The following BMPR2 variants were observed in gnomAD, a reference collection of about 807,000 sequenced individuals.
BMPR2 encodes the protein bone morphogenetic protein receptor type-2.
BMPR2 carries 29 observed loss-of-function variants against 100.8 expected under a neutral mutation model. That is an observed-to-expected ratio of 0.29 (90% CI 0.21 to 0.39). The LOEUF (loss-of-function observed/expected upper bound fraction) is 0.39. Ranked by LOEUF, BMPR2 falls within the 10% of genes least tolerant of loss-of-function variation. BMPR2 has a pLI of 1.00. For missense variants in BMPR2, 1,011 were observed against 1,274.5 expected (o/e 0.79, Z 3.15); for synonymous variants, 382 against 442.3 (o/e 0.86, Z 1.71).
chr2:202,425,935 C>G (rs988014377), intron 1 of BMPR2, among the ~76,000 whole-genome samples: 42 of 151,942 alleles, frequency 2.8e-4, no homozygotes, highest in African/African-American at 9.7e-4. Flanking sequence ...CATATGTAAT[C>G]AAGTAAGAAT....
At chr2:202,426,688 C>G (rs1289869269) in intron 1 of BMPR2, among the ~76,000 whole-genome samples, 1 of 151,788 alleles carries the variant, frequency 6.6e-6, no homozygotes, top group Admixed American at 6.6e-5. Context: ...TTGAGACCCA[C>G]CTGGGCAACA....
intron 3 of BMPR2, among the ~76,000 whole-genome samples, chr2:202,507,616 T>C (rs1687546083): frequency 6.6e-6 from 1 of 152,128 alleles, no homozygotes; most frequent in South Asian, 2.1e-4. Flanking sequence ...CTCAAGCTCC[T>C]GGCCTAAAGC....
chr2:202,548,400 A>G (rs1469965879), intron 10 of BMPR2, among the ~76,000 whole-genome samples: 2 of 152,122 alleles, frequency 1.3e-5, no homozygotes, highest in South Asian at 4.1e-4. Context: ...TGTAGTACAC[A>G]ATGATCCCAC....
chr2:202,420,252 A>C (rs962498550), intron 1 of BMPR2, among the ~76,000 whole-genome samples: 2 of 152,126 alleles, frequency 1.3e-5, no homozygotes, highest in Non-Finnish European at 2.9e-5. Context: ...TAGCTTTATA[A>C]ACATCTATTC....
At chr2:202,451,342 T>C (rs1193123304) in intron 1 of BMPR2, among the ~76,000 whole-genome samples, 3 of 152,224 alleles carry the variant, frequency 2.0e-5, no homozygotes, top group Non-Finnish European at 4.4e-5. Context: ...TATTCAGCTC[T>C]ATATTGTGTC....
chr2:202,507,232 T>C (rs1177025384), intron 3 of BMPR2, among the ~76,000 whole-genome samples: 1 of 152,188 alleles, frequency 6.6e-6, no homozygotes, highest in African/African-American at 2.4e-5. Context: ...TACTTTTAAA[T>C]CCATTTAGTT....
chr2:202,518,752 CTTTATTA>C, intron 5 of BMPR2, 63 bp from the exon 6 acceptor site: 9 of 1,226,038 alleles, frequency 7.3e-6, no homozygotes, highest in Non-Finnish European at 1.1e-5. Flanking sequence ...TAAATTTGTA[CTTTATTA>C]TTTAGTAAAT....
intron 7 of BMPR2, among the ~76,000 whole-genome samples, chr2:202,527,524 G>T (rs557400562): frequency 6.6e-6 from 1 of 150,904 alleles, no homozygotes; most frequent in Admixed American, 6.6e-5. Context: ...GGTGGCTCAC[G>T]CCTGTAATCC....
At chr2:202,533,500 C>T (rs1318613078) in intron 9 of BMPR2, among the ~76,000 whole-genome samples, 1 of 151,906 alleles carries the variant, frequency 6.6e-6, no homozygotes, top group Non-Finnish European at 1.5e-5. Flanking sequence ...GCACCCCAGC[C>T]TGGGCAACAA....
At chr2:202,500,799 C>T (rs1365920748) in intron 3 of BMPR2, among the ~76,000 whole-genome samples, 2 of 152,156 alleles carry the variant, frequency 1.3e-5, no homozygotes, top group Admixed American at 1.3e-4. Flanking sequence ...TCTCAAATAC[C>T]AGAGGAAGCA....
At chr2:202,417,463 C>T (rs1384340577) in intron 1 of BMPR2, among the ~76,000 whole-genome samples, 1 of 152,062 alleles carries the variant, frequency 6.6e-6, no homozygotes, top group Non-Finnish European at 1.5e-5. Flanking sequence ...CCACCATGCC[C>T]GTCTAATTTT....
intron 1 of BMPR2, among the ~76,000 whole-genome samples, chr2:202,450,973 T>C (rs960455374): frequency 6.6e-6 from 1 of 152,198 alleles, no homozygotes; most frequent in African/African-American, 2.4e-5. Flanking sequence ...TCCTGTGTTG[T>C]TTATTTTAGA....
At chr2:202,516,934 A>T (rs1204778953) in intron 5 of BMPR2, among the ~76,000 whole-genome samples, 1 of 152,228 alleles carries the variant, frequency 6.6e-6, no homozygotes, top group Non-Finnish European at 1.5e-5. Context: ...AACCTGTTTT[A>T]ATAAAAAGTA....
chr2:202,426,859 G>A (rs1691396969), intron 1 of BMPR2, among the ~76,000 whole-genome samples: 1 of 152,128 alleles, frequency 6.6e-6, no homozygotes, highest in South Asian at 2.1e-4. Context: ...ACTAGCCTGG[G>A]TACCAAGTTA....
intron 5 of BMPR2, among the ~76,000 whole-genome samples, chr2:202,515,290 G>A (rs1270314312): frequency 6.6e-6 from 1 of 152,028 alleles, no homozygotes; most frequent in African/African-American, 2.4e-5. Flanking sequence ...AGAAAATATG[G>A]GCCAGGCGCA....
intron 1 of BMPR2, among the ~76,000 whole-genome samples, chr2:202,400,078 C>A (rs1283637444): frequency 6.6e-6 from 1 of 152,014 alleles, no homozygotes; most frequent in Non-Finnish European, 1.5e-5. Context: ...GATGCCACTG[C>A]CCTCCAGCCT....
At chr2:202,524,998 GA>G (rs1164848487) in intron 7 of BMPR2, among the ~76,000 whole-genome samples, 3 of 151,948 alleles carry the variant, frequency 2.0e-5, no homozygotes, top group Middle Eastern at 3.4e-3. Context: ...ATAAATAAAA[GA>G]AAAAAATGTT....
intron 1 of BMPR2, among the ~76,000 whole-genome samples, chr2:202,406,893 C>T (rs1407251210): frequency 6.6e-6 from 1 of 151,918 alleles, no homozygotes; most frequent in African/African-American, 2.4e-5. Context: ...GTTAGTATAC[C>T]CGAGGAGTCC....
intron 3 of BMPR2, among the ~76,000 whole-genome samples, chr2:202,475,917 A>T (rs894848452): frequency 9.9e-5 from 15 of 151,810 alleles, no homozygotes; most frequent in Non-Finnish European, 1.9e-4. Flanking sequence ...CTAAAAAAAA[A>T]TGCAAAATTA....
Sources: gnomAD v4.1 joint callset for allele counts (sites outside exome capture counted in the v4.1 genomes callset) on GRCh38, gnomAD v4.1.1 for gene constraint, MANE v1.5 for transcripts, NCBI Gene and HGNC (gene_info 2026-07-23, HGNC 2026-07-21) for gene names.